The following HDAC9 variants were observed in gnomAD, a reference collection of about 807,000 sequenced individuals.
HDAC9 encodes the protein histone deacetylase 9, also known as MEF-2 interacting transcription repressor (MITR) protein.
In HDAC9, 41 loss-of-function variants were observed where a neutral mutation model predicts 139.4. The observed-to-expected ratio is 0.29, with a 90% CI of 0.23 to 0.38. The LOEUF (loss-of-function observed/expected upper bound fraction) is 0.38. Ranked by LOEUF, HDAC9 falls within the 10% of genes least tolerant of loss-of-function variation. The pLI, the probability that HDAC9 is intolerant of heterozygous loss-of-function variation, is 1.00. For synonymous variants in HDAC9, 517 were observed against 476.2 expected, an observed-to-expected ratio of 1.09 and a Z score of -1.12; for missense variants, 1,147 against 1,297.0, an observed-to-expected ratio of 0.88 and a Z score of 1.78.
At chr7:18,789,596 C>T (rs1792128814) in intron 16 of HDAC9, among the ~76,000 whole-genome samples, 1 of 152,076 alleles carries the variant, frequency 6.6e-6, no homozygotes, top group South Asian at 2.1e-4. Context: ...TTTCCAGAGC[C>T]AACTTTATGC....
intron 16 of HDAC9, among the ~76,000 whole-genome samples, chr7:18,791,929 C>T (rs1792351129): frequency 6.6e-6 from 1 of 152,140 alleles, no homozygotes; most frequent in Non-Finnish European, 1.5e-5. Context: ...GGAACCAAGG[C>T]ACAGAGCCAT....
chr7:18,869,227 C>T (rs6973029), intron 21 of HDAC9, among the ~76,000 whole-genome samples: 61,980 of 148,342 alleles, frequency 0.42, 13,201 homozygotes, highest in South Asian at 0.53. Flanking sequence ...TGTCTTGGTC[C>T]GGATCTGTGT....
At chr7:18,107,652 C>G (rs779871933) in intron 1 of HDAC9, among the ~76,000 whole-genome samples, 12 of 152,008 alleles carry the variant, frequency 7.9e-5, no homozygotes, top group Non-Finnish European at 2.9e-5. Flanking sequence ...AGATTTAAGG[C>G]CTAAAGTGGA....
chr7:18,171,444 T>C (rs560395135), intron 2 of HDAC9, among the ~76,000 whole-genome samples: 40 of 152,330 alleles, frequency 2.6e-4, no homozygotes, highest in Admixed American at 1.1e-3. Flanking sequence ...TATTTCTTTC[T>C]CTTGCCTGAT....
At chr7:18,670,251 A>G (rs902645618) in intron 12 of HDAC9, among the ~76,000 whole-genome samples, 3 of 152,026 alleles carry the variant, frequency 2.0e-5, no homozygotes, top group Non-Finnish European at 4.4e-5. Context: ...TTTATTATTG[A>G]TCATTGCTTC....
At chr7:18,138,313 A>G (rs369309215) in intron 1 of HDAC9, among the ~76,000 whole-genome samples, 37 of 152,046 alleles carry the variant, frequency 2.4e-4, no homozygotes, top group African/African-American at 7.5e-4. Context: ...TGATCTATTA[A>G]TACCTGTGTG....
chr7:18,156,683 TC>T (rs1211513637), intron 1 of HDAC9, among the ~76,000 whole-genome samples: 1 of 152,216 alleles, frequency 6.6e-6, no homozygotes, highest in Non-Finnish European at 1.5e-5. Context: ...ATGAAAGTAC[TC>T]CACTAACATA....
At chr7:18,925,924 C>CA (rs1261626738) in intron 22 of HDAC9, among the ~76,000 whole-genome samples, 3 of 103,940 alleles carry the variant, frequency 2.9e-5, no homozygotes, top group South Asian at 2.9e-4. Context: ...TACTTTTCCT[C>CA]AAAAAATTGC....
intron 24 of HDAC9, among the ~76,000 whole-genome samples, chr7:18,954,842 C>T (rs1783038753): frequency 6.6e-6 from 1 of 152,010 alleles, no homozygotes; most frequent in East Asian, 1.9e-4. Flanking sequence ...AACAGGAAAA[C>T]CCTTAGGTTT....
At chr7:18,944,029 T>G (rs967791916) in intron 23 of HDAC9, among the ~76,000 whole-genome samples, 1 of 152,170 alleles carries the variant, frequency 6.6e-6, no homozygotes, top group African/African-American at 2.4e-5. Flanking sequence ...ATTTCAAGAA[T>G]GACTCATGAA....
intron 22 of HDAC9, among the ~76,000 whole-genome samples, chr7:18,879,081 AC>A (rs1451317947): frequency 2.0e-5 from 3 of 152,150 alleles, no homozygotes; most frequent in African/African-American, 7.2e-5. Context: ...AGAATAAAAC[AC>A]CTAGGAATAC....
intron 2 of HDAC9, among the ~76,000 whole-genome samples, chr7:18,262,097 C>G (rs1795719443): frequency 6.6e-6 from 1 of 152,196 alleles, no homozygotes; most frequent in African/African-American, 2.4e-5. Context: ...TGTCGGTTCC[C>G]TTATTGTTTC....
chr7:18,637,510 TA>T (rs1339294313), intron 8 of HDAC9, among the ~76,000 whole-genome samples: 1 of 151,834 alleles, frequency 6.6e-6, no homozygotes, highest in East Asian at 1.9e-4. Context: ...CCCCCACCAT[TA>T]AAAAAAGAAA....
intron 1 of HDAC9, among the ~76,000 whole-genome samples, chr7:18,337,307 C>A (rs1781656678): frequency 6.6e-6 from 1 of 151,550 alleles, no homozygotes; most frequent in African/African-American, 2.4e-5. Context: ...TAAAGAATCT[C>A]CAAAATATGC....
chr7:18,449,567 A>G (rs1212657175), intron 1 of HDAC9, among the ~76,000 whole-genome samples: 1 of 152,144 alleles, frequency 6.6e-6, no homozygotes, highest in Admixed American at 6.6e-5. Flanking sequence ...TTAATACACT[A>G]AGATATACAC....
chr7:18,249,953 T>A (rs1228137419), intron 2 of HDAC9, among the ~76,000 whole-genome samples: 1 of 151,984 alleles, frequency 6.6e-6, no homozygotes, highest in Non-Finnish European at 1.5e-5. Context: ...ACCAAGAAAA[T>A]AAATGTCTTT....
chr7:18,342,460 A>T, intron 1 of HDAC9, among the ~76,000 whole-genome samples: 1 of 151,810 alleles, frequency 6.6e-6, no homozygotes, highest in East Asian at 1.9e-4. Flanking sequence ...ATTTTTAATT[A>T]TTTCAGGTGG....
At chr7:18,306,914 A>G (rs1223190286) in intron 1 of HDAC9, among the ~76,000 whole-genome samples, 3 of 152,080 alleles carry the variant, frequency 2.0e-5, no homozygotes, top group South Asian at 2.1e-4. Flanking sequence ...AAACTCCCTC[A>G]TGCAGCCATC....
At chr7:18,522,378 A>T (rs1044014861) in intron 2 of HDAC9, among the ~76,000 whole-genome samples, 1 of 152,106 alleles carries the variant, frequency 6.6e-6, no homozygotes, top group Admixed American at 6.6e-5. Flanking sequence ...CGTGCTGGGA[A>T]ACTCTTAAGG....
Sources: allele counts gnomAD v4.1 joint callset (sites outside exome capture counted in the v4.1 genomes callset), GRCh38; gene constraint gnomAD v4.1.1; transcripts MANE v1.5; gene names NCBI Gene and HGNC (gene_info 2026-07-23, HGNC 2026-07-21).